Variants in DHX16 observed in about 807,000 individuals in gnomAD.
The protein encoded by DHX16 is pre-mRNA-splicing factor ATP-dependent RNA helicase DHX16.
In DHX16, 81 loss-of-function variants were observed where a neutral mutation model predicts 131.2. The observed-to-expected ratio is 0.62, with a 90% confidence interval of 0.52 to 0.74. The LOEUF is 0.74. DHX16 is among the 30% of genes least tolerant of loss of function. The pLI, the probability that DHX16 is intolerant of heterozygous loss-of-function variation, is 0.00. For synonymous variants in DHX16, 440 were observed against 520.2 expected, an observed-to-expected ratio of 0.85 and a Z score of 2.10; for missense variants, 980 against 1,363.1, an observed-to-expected ratio of 0.72 and a Z score of 4.43.
chr6:30,663,720 CAAA>C (rs537931461), intron 7 of DHX16, among the ~76,000 whole-genome samples: 5 of 50,680 alleles, frequency 9.9e-5, no homozygotes, highest in Non-Finnish European at 8.1e-5. Context: ...GACTCTGTCT[CAAA>C]AAAAAAAAAA....
In DHX16 at chr6:30,665,604, C is replaced by CGTGCCGGCTCA; in HGVS notation, c.785_795dup (p.Glu266Ter). On this transcript the variant is annotated stop_gained and frameshift_variant, in exon 5 of 20. Coordinates refer to ENST00000376442, the MANE Select transcript of DHX16 (RefSeq NM_003587.5). LOFTEE classifies it high-confidence loss of function. This position sits in a 1 kb window ranked among gnomAD's most constrained non-coding sequence, Gnocchi z 4.8. ...CGCTTATATTTGAGCTCCTGCCGCT[C>CGTGCCGGCTCA]GTGCCGGCTCAGCTCCACGTCCCCA... 1 of 1,612,982 alleles carries CGTGCCGGCTCA rather than the reference C, an allele frequency of 6.2e-7. No individual in the cohort carries two copies. Among genetic ancestry groups the CGTGCCGGCTCA allele is most frequent in the Non-Finnish European group, 8.5e-7 (1 of 1,180,036 alleles).
chr6:30,656,630 A>G lies in DHX16; in HGVS notation c.2278T>C (p.Leu760=), dbSNP rs990423391. Residue 760 remains leucine, a synonymous_variant, in exon 14 of 20, where the codon TTG becomes CTG. Coordinates refer to ENST00000376442, the MANE Select transcript of DHX16 (RefSeq NM_003587.5). This position sits in a 1 kb window ranked among gnomAD's most constrained non-coding sequence, Gnocchi z 5.1. ...TTGAGCAGCAACACGACATTGCCCA[A>G]GCTGGTCCTCTGGATCTCAGGCACT... is the stretch of plus-strand genomic sequence containing the variant. ...TTVPEIQRTS[L]GNVVLLLKSL... The G allele has an allele frequency of 9.3e-6, 15 of 1,614,016 alleles. No homozygotes were observed. The highest frequency in any genetic ancestry group is 1.3e-5 in the Non-Finnish European group (15 of 1,180,030).
intron 9 of DHX16, chr6:30,661,941 A>G: frequency 1.4e-6 from 1 of 710,252 alleles, no homozygotes; most frequent in Non-Finnish European, 2.6e-6. Context: ...CAAGACCAGA[A>G]ATTCACAGCC....
At chr6:30,666,953 A>G (rs998682663) in intron 4 of DHX16, among the ~76,000 whole-genome samples, 2 of 152,162 alleles carry the variant, frequency 1.3e-5, no homozygotes, top group African/African-American at 4.8e-5. Flanking sequence ...TATTCCTTCC[A>G]TGGAAGAGCC....
chr6:30,659,876 C>A (rs1325929245), intron 10 of DHX16, 42 bp from the exon 11 acceptor site: 3 of 1,595,526 alleles, frequency 1.9e-6, no homozygotes, highest in Admixed American at 1.7e-5. Flanking sequence ...GGGCCACCTG[C>A]TTAGGCAAAC....
In DHX16 at chr6:30,655,218, A is replaced by G. The variant is rs559108150; in HGVS notation, c.2780T>C (p.Val927Ala). The G allele has an allele frequency of 1.2e-6, 2 of 1,614,190 alleles. No individual in the cohort carries two copies. The highest frequency in any genetic ancestry group is 4.5e-5 in the East Asian group (2 of 44,882). ...GTCCCCCTGGCAGGAACTGAGACCA[A>G]CTTCCACACGTTCCAAGAGCCCTTC... ...QLEGLLERVE[V>A]GLSSCQGDYI... Residue 927 changes from valine (V) to alanine (A), a missense_variant, in exon 18 of 20, where the codon GTT (valine) becomes GCT (alanine). Val to Ala is a moderately conservative substitution (Grantham distance 64, BLOSUM62 0). Coordinates refer to ENST00000376442, the MANE Select transcript of DHX16 (RefSeq NM_003587.5).
At chr6:30,659,710 TC>T (rs2127582784) in intron 11 of DHX16, 25 bp downstream of exon 11, 1 of 1,613,196 alleles carries the variant, frequency 6.2e-7, no homozygotes, top group East Asian at 2.2e-5. Context: ...GGATACATCA[TC>T]CCCTCTCCCC....
Position 30,654,722 on chromosome 6 carries a change from T to C in DHX16, c.2981A>G (p.Lys994Arg), listed in dbSNP as rs780403635. The C allele has an allele frequency of 5.0e-6, 8 of 1,612,472 alleles. No individual in the cohort carries two copies. The highest frequency in any genetic ancestry group is 1.7e-5 in the Admixed American group (1 of 59,948). The change falls in exon 19 of 20, where the codon AAA becomes AGA. Residue 994 changes from lysine to arginine, a missense_variant. Physicochemically the swap from Lys to Arg is conservative, Grantham distance 26 (BLOSUM62 2). Transcript: ENST00000376442. ...LLYHELVLTTKEFMRQVLEIE... is the reference protein window; with the variant it reads ...LLYHELVLTTREFMRQVLEIE... ...TCTCCTCACCTGTCTCATGAACTCT[T>C]TGGTGGTCAAGACAAGTTCGTGGTA...
rs1251316851 is a variant in DHX16, at chr6:30,664,978, T to C, written c.1140A>G (p.Pro380=). Residue 380 remains proline (P), a synonymous_variant, in exon 7 of 20, where the codon CCA becomes CCG. Coordinates refer to ENST00000376442, the MANE Select transcript of DHX16 (RefSeq NM_003587.5). ...TCTGCTGGGCCTGAGTTGAAGTGGG[T>C]GGAGCTGACGGCTCCTAAGGAAAGA... is the stretch of plus-strand genomic sequence containing the variant. ...QLQGDEEPSA[P]PTSTQAQQKE... 1 of 1,613,916 alleles carries C rather than the reference T, an allele frequency of 6.2e-7. No individual in the cohort carries two copies. The highest frequency in any genetic ancestry group is 8.5e-7 in the Non-Finnish European group (1 of 1,179,954).
chr6:30,660,156 G>A lies in DHX16; in HGVS notation c.1631C>T (p.Pro544Leu). The change falls in exon 10 of 20, where the codon CCT becomes CTT. Residue 544 changes from proline to leucine, a missense_variant. Physicochemically the swap from Pro to Leu is moderately conservative, Grantham distance 98 (BLOSUM62 -3). Coordinates refer to ENST00000376442, the MANE Select transcript of DHX16 (RefSeq NM_003587.5). ...GLIKDVARFR[P>L]ELKVLVASAT... Reference sequence around the variant, plus strand: ...TGAAGCCACCAGGACCTTGAGCTCAGGTCGGAAGCGAGCAACATCCTTGAT... The same window carrying A: ...TGAAGCCACCAGGACCTTGAGCTCAAGTCGGAAGCGAGCAACATCCTTGAT... 6.3e-7 allele frequency: 1 copy of A among 1,598,768 alleles called. No homozygotes were observed.
At chr6:30,653,691 G>A (rs942165795) in intron 19 of DHX16, among the ~76,000 whole-genome samples, 7 of 127,710 alleles carry the variant, frequency 5.5e-5, no homozygotes, top group Admixed American at 4.8e-4. Context: ...ATCCTTATGT[G>A]TATGGTCAAA....
chr6:30,669,418 C>T (rs1489881192), intron 4 of DHX16, among the ~76,000 whole-genome samples: 1 of 151,492 alleles, frequency 6.6e-6, no homozygotes, highest in African/African-American at 2.4e-5. Context: ...CAGAGTGAGA[C>T]TCCATCTCAA....
intron 4 of DHX16, among the ~76,000 whole-genome samples, chr6:30,666,042 C>T (rs1769015660): frequency 6.6e-6 from 1 of 152,122 alleles, no homozygotes; most frequent in Non-Finnish European, 1.5e-5. Context: ...TTATATTTTA[C>T]TCTTGCCATT....
chr6:30,672,641 C>T lies in DHX16; in HGVS notation c.201G>A (p.Trp67Ter). 6.2e-7 allele frequency: 1 copy of T among 1,609,878 alleles called. No individual in the cohort carries two copies. Among genetic ancestry groups the T allele is most frequent in the South Asian group, 1.1e-5 (1 of 91,020 alleles). The change falls in exon 1 of 20, where the codon TGG becomes TGA. Residue 67 changes from tryptophan to a stop codon, truncating the protein, a stop_gained. Transcript: ENST00000376442. LOFTEE classifies it high-confidence loss of function. ...TCCCCACCCCTGCCGACACCTTGTT[C>T]CAGAGTCTCAGGGCGAAGTCCCGGG... ...GPARDFALRLWNKVPRKAVVE... is the reference protein window; with the variant it reads ...GPARDFALRL
In DHX16 at chr6:30,665,340, C is replaced by T; in HGVS notation, c.922-66G>A. The T allele has an allele frequency of 6.3e-7, 1 of 1,590,552 alleles. No homozygotes were observed. Among genetic ancestry groups the T allele is most frequent in the Non-Finnish European group, 8.5e-7 (1 of 1,170,566 alleles). On this transcript the variant is annotated intron_variant, in intron 5 of 19. Coordinates refer to ENST00000376442, the MANE Select transcript of DHX16 (RefSeq NM_003587.5). This position sits in a 1 kb window ranked among gnomAD's most constrained non-coding sequence, Gnocchi z 4.8. ...GTCCTCTCTGCCCTCTCCCCTCTTC[C>T]CATTACTACCCCCGCCCACTGCCCA...
At chr6:30,655,413 C>T in intron 17 of DHX16, 22 bp downstream of exon 17, 1 of 1,613,986 alleles carries the variant, frequency 6.2e-7, no homozygotes, top group African/African-American at 1.3e-5. Context: ...TCTCTCATTC[C>T]CACTCACCCA....
At chr6:30,659,331 G>T in intron 12 of DHX16, 141 bp downstream of exon 12, 1 of 911,552 alleles carries the variant, frequency 1.1e-6, no homozygotes, top group Non-Finnish European at 1.6e-6. Flanking sequence ...CCTCTCTTCA[G>T]TCCCAGGAAC....
chr6:30,660,263 C>T (rs771236378), intron 9 of DHX16, 21 bp from the exon 10 acceptor site: 5 of 1,513,258 alleles, frequency 3.3e-6, no homozygotes, highest in Non-Finnish European at 4.4e-6. Context: ...AATAGGAGAG[C>T]AATGAGGGAA....
Position 30,665,881 on chromosome 6 carries a change from A to C in DHX16, c.667-148T>G. The C allele has an allele frequency of 1.0e-6, 1 of 982,888 alleles. No homozygotes were observed. Among genetic ancestry groups the C allele is most frequent in the Non-Finnish European group, 1.5e-6 (1 of 683,908 alleles). The allele number at this position is 982,888 out of a possible 1,614,324, so 60.9% of individuals were successfully genotyped here. ...ACCTTCCCTCTGCAATGCACAACCA[A>C]AACAATGACATACTCAAATCTGGGC... is the stretch of plus-strand genomic sequence containing the variant. On this transcript the variant is annotated intron_variant, in intron 4 of 19. Coordinates refer to ENST00000376442, the MANE Select transcript of DHX16 (RefSeq NM_003587.5). The surrounding 1 kb of genome is among the most constrained non-coding windows in gnomAD (Gnocchi z 4.8).
Sources: allele counts gnomAD v4.1 joint callset (sites outside exome capture counted in the v4.1 genomes callset), GRCh38; gene constraint gnomAD v4.1.1; non-coding constraint Gnocchi (gnomAD v3.1); transcripts MANE v1.5; gene names NCBI Gene and HGNC (gene_info 2026-07-23, HGNC 2026-07-21).